Variants in ZNF483 observed in about 807,000 individuals in gnomAD.
The protein encoded by ZNF483 is zinc finger protein 483, also known as zinc finger protein HIT-10.
ZNF483 carries 9 observed loss-of-function variants against 28.6 expected under a neutral mutation model. The ratio of observed to expected loss-of-function variants is 0.32; its 90% CI spans 0.19 to 0.55. The LOEUF (loss-of-function observed/expected upper bound fraction) is 0.55. Ranked by LOEUF, ZNF483 falls within the 20% of genes least tolerant of loss-of-function variation. The pLI, the probability that ZNF483 is intolerant of heterozygous loss-of-function variation, is 0.93. For synonymous variants in ZNF483, 322 were observed against 306.2 expected, an observed-to-expected ratio of 1.05 and a Z score of -0.54; for missense variants, 675 against 871.7, an observed-to-expected ratio of 0.77 and a Z score of 2.84.
chr9:111,569,555 A>G (rs1828717279), intron 5 of ZNF483, among the ~76,000 whole-genome samples: 1 of 152,174 alleles, frequency 6.6e-6, no homozygotes, highest in Non-Finnish European at 1.5e-5. Flanking sequence ...AGGCGGGCGC[A>G]TCACTTGAGA....
downstream of ZNF483, among the ~76,000 whole-genome samples, chr9:111,559,575 C>T (rs1173483416): frequency 6.6e-6 from 1 of 151,646 alleles, no homozygotes; most frequent in Non-Finnish European, 1.5e-5. Flanking sequence ...TCTTCCTGCT[C>T]ACCAGTGTCC....
In ZNF483 at chr9:111,544,131, C is replaced by G; in HGVS notation, c.*961C>G. On this transcript the variant is annotated 3_prime_UTR_variant, in exon 6 of 6. Transcript: ENST00000309235. ...GCCAGAGAGCTTGCACCTGAGCCAT[C>G]TCAGCCGTGAGAGTAACAGTCCTAG... The G allele has an allele frequency of 2.0e-6, 2 of 985,422 alleles. No individual in the cohort carries two copies. Among genetic ancestry groups the G allele is most frequent in the Non-Finnish European group, 2.4e-6 (2 of 829,978 alleles). The allele number at this position is 985,422 out of a possible 1,614,324, so 61.0% of individuals were successfully genotyped here. A position where few individuals can be genotyped will look rare whatever the true frequency, so the allele number is the denominator to read the frequency against.
rs950920756 is a variant in ZNF483 at position 111,546,662 on chromosome 9, A to AT, written c.*3498dup. 2.2e-4 allele frequency among the ~76,000 whole-genome samples: 33 copies of AT among 152,124 alleles called. No individual in the cohort carries two copies. The highest frequency in any genetic ancestry group is 3.7e-4 in the Non-Finnish European group (25 of 67,980). The stretch of plus-strand genomic sequence containing the variant: ...AAGTCATTTTATTTATTTTAGAATT[A>AT]TTTTTTAATGTAGTAAGATACATAT... On this transcript the variant is annotated 3_prime_UTR_variant, in exon 6 of 6. Coordinates refer to ENST00000309235, the MANE Select transcript of ZNF483 (RefSeq NM_133464.5).
intron 5 of ZNF483, among the ~76,000 whole-genome samples, chr9:111,564,895 G>A (rs1445793102): frequency 2.0e-5 from 3 of 151,824 alleles, no homozygotes; most frequent in African/African-American, 4.8e-5. Flanking sequence ...AGGCTGAGGC[G>A]GGTGGATCAC....
intron 5 of ZNF483, among the ~76,000 whole-genome samples, chr9:111,536,921 C>T (rs925030925): frequency 5.9e-5 from 9 of 152,010 alleles, no homozygotes; most frequent in South Asian, 2.1e-4. Context: ...CTGTGTGTAT[C>T]GATCACTAAA....
At position 111,544,348 on chromosome 9, in the gene ZNF483, ATGTG is replaced by A. The variant is rs111820702; in HGVS notation, c.*1200_*1203del. 4.6e-4 allele frequency: 435 copies of A among 955,828 alleles called. No homozygotes were observed. Among genetic ancestry groups the A allele is most frequent in the East Asian group, 2.6e-3 (22 of 8,514 alleles). 59.2% of individuals were successfully genotyped at this position (955,828 alleles called of 1,614,324 possible). On this transcript the variant is annotated 3_prime_UTR_variant, in exon 6 of 6. Coordinates refer to ENST00000309235, the MANE Select transcript of ZNF483 (RefSeq NM_133464.5). Reference sequence around the variant, plus strand: ...TAACAATTTGCTTGGGTGTGTGTGCATGTGTGTGTGTGTGTGTGTGTGTGTATAC... The same window carrying A: ...TAACAATTTGCTTGGGTGTGTGTGCATGTGTGTGTGTGTGTGTGTGTATAC...
intron 5 of ZNF483, among the ~76,000 whole-genome samples, chr9:111,573,513 G>A (rs1325078033): frequency 2.0e-5 from 3 of 152,132 alleles, no homozygotes; most frequent in Non-Finnish European, 4.4e-5. Flanking sequence ...TTGATTTATG[G>A]TTGCCTGGAT....
exon 6 of ZNF483, chr9:111,576,398 T>C: frequency 1.9e-6 from 3 of 1,614,138 alleles, no homozygotes; most frequent in Admixed American, 3.3e-5. Flanking sequence ...ATGCAGATGT[T>C]CTCTGAGGCT....
intron 5 of ZNF483, chr9:111,569,895 C>A: frequency 1.2e-6 from 1 of 858,724 alleles, no homozygotes. Flanking sequence ...TGGAAATGAA[C>A]TTTAGAGAGG....
chr9:111,527,444 C>A lies in ZNF483; in HGVS notation c.49C>A (p.Pro17Thr). The A allele has an allele frequency of 6.2e-7, 1 of 1,614,134 alleles. No individual in the cohort carries two copies. The highest frequency in any genetic ancestry group is 8.5e-7 in the Non-Finnish European group (1 of 1,180,038). The change falls in exon 2 of 6, where the codon CCT (proline) becomes ACT (threonine). Residue 17 changes from proline to threonine, a missense_variant. By Grantham distance (38) the Pro-to-Thr change is conservative. Around this residue, in one of 6 missense-constraint regions of ZNF483, gnomAD observed 525 missense variants for 581.8 expected, o/e 0.90. Coordinates refer to ENST00000309235, the MANE Select transcript of ZNF483 (RefSeq NM_133464.5). ...CAAGATGACAGCCATCTCACCAGAA[C>A]CTCAAACTCTGGCCTCGACTGAACA... is the stretch of plus-strand genomic sequence containing the variant. ...LNKMTAISPEPQTLASTEQNE... is the reference protein window; with the variant it reads ...LNKMTAISPETQTLASTEQNE...
chr9:111,535,733 G>A (rs1237920887), intron 5 of ZNF483, among the ~76,000 whole-genome samples: 2 of 150,056 alleles, frequency 1.3e-5, no homozygotes, highest in African/African-American at 4.9e-5. Flanking sequence ...TTTTAGTAGA[G>A]GCGGGGTTTC....
Position 111,546,586 on chromosome 9 carries a change from C to T in ZNF483, c.*3416C>T, listed in dbSNP as rs1045329034. ...TTAAATAATGTTTCCTCTTAATGAG[C>T]GTGTATAAATTTTTTTCATGTCACA... On this transcript the variant is annotated 3_prime_UTR_variant, in exon 6 of 6. Transcript: ENST00000309235. Among the ~76,000 whole-genome samples the T allele has an allele frequency of 1.3e-5, 2 of 152,112 alleles. No individual in the cohort carries two copies. Among genetic ancestry groups the T allele is most frequent in the South Asian group, 2.1e-4 (1 of 4,820 alleles).
chr9:111,574,594 G>C, intron 5 of ZNF483: 1 of 563,950 alleles, frequency 1.8e-6, no homozygotes, highest in East Asian at 3.4e-5. Flanking sequence ...CACAAAGTGA[G>C]ACTCTGTCTT....
intron 5 of ZNF483, among the ~76,000 whole-genome samples, chr9:111,573,246 T>C (rs898465442): frequency 2.6e-5 from 4 of 152,208 alleles, no homozygotes; most frequent in African/African-American, 7.2e-5. Flanking sequence ...CAATTTCCCA[T>C]GATTCCAGCT....
rs760578250 is a variant in ZNF483 at position 111,534,301 on chromosome 9, G to C, written c.669G>C (p.Lys223Asn). The change falls in exon 5 of 6, where the codon AAG becomes AAC. Residue 223 changes from lysine (K) to asparagine (N), a missense_variant. Coordinates refer to ENST00000309235, the MANE Select transcript of ZNF483 (RefSeq NM_133464.5). The stretch of plus-strand genomic sequence containing the variant: ...AATTAGAGTTGATTTCCCAGCTAAA[G>C]TGGGTTGAATTGCCATGGCTGCTGG... ...VSKLELISQL[K>N]WVELPWLLEE... 6.2e-7 allele frequency: 1 copy of C among 1,614,134 alleles called. No individual in the cohort carries two copies. Among genetic ancestry groups the C allele is most frequent in the Non-Finnish European group, 8.5e-7 (1 of 1,180,020 alleles).
At chr9:111,559,990 T>A (rs555994226), downstream of ZNF483, among the ~76,000 whole-genome samples, 41 of 152,262 alleles carry the variant, frequency 2.7e-4, no homozygotes, top group African/African-American at 9.6e-4. Flanking sequence ...TTTAACCCCT[T>A]ATCTCTATGA....
chr9:111,541,088 C>CTTTTT (rs747551274), intron 5 of ZNF483, among the ~76,000 whole-genome samples: 1 of 128,150 alleles, frequency 7.8e-6, no homozygotes, highest in Non-Finnish European at 1.6e-5. Context: ...AAGTTTGAAC[C>CTTTTT]TTTTTTTTTT....
intron 5 of ZNF483, among the ~76,000 whole-genome samples, chr9:111,538,690 C>G (rs1827584724): frequency 6.6e-6 from 1 of 152,100 alleles, no homozygotes; most frequent in African/African-American, 2.4e-5. Flanking sequence ...TATGTCCCTT[C>G]CCCAATTATC....
intron 5 of ZNF483, among the ~76,000 whole-genome samples, chr9:111,561,120 GA>G (rs1828293078): frequency 1.8e-5 from 1 of 55,866 alleles, no homozygotes; most frequent in Non-Finnish European, 3.3e-5. Flanking sequence ...TAGAGAGAGA[GA>G]GAGAGAGAGA....
Sources: allele counts gnomAD v4.1 joint callset (sites outside exome capture counted in the v4.1 genomes callset), GRCh38; gene constraint gnomAD v4.1.1; regional missense constraint gnomAD v4.1.1; transcripts MANE v1.5; gene names NCBI Gene and HGNC (gene_info 2026-07-23, HGNC 2026-07-21).